USP25: variants seen among roughly 807,000 people sequenced by gnomAD.
The protein encoded by USP25 is ubiquitin carboxyl-terminal hydrolase 25.
A neutral mutation model predicts 158.5 loss-of-function variants in USP25; 85 were observed. The ratio of observed to expected loss-of-function variants is 0.54; its 90% CI spans 0.45 to 0.64. USP25 has a LOEUF of 0.64. Among genes scored for constraint, USP25 ranks in the 30% least tolerant of loss-of-function variants. USP25 has a pLI of 0.00. For missense variants in USP25, 1,242 were observed against 1,327.3 expected, an observed-to-expected ratio of 0.94 and a Z score of 1.00; for synonymous variants, 464 against 460.4, an observed-to-expected ratio of 1.01 and a Z score of -0.10.
In USP25 at chr21:15,813,095, C is replaced by T. The variant is rs997911095; in HGVS notation, c.931+1885C>T. Among the ~76,000 whole-genome samples the T allele has an allele frequency of 2.0e-5, 3 of 151,334 alleles. No homozygotes were observed. In the South Asian group the frequency reaches 6.3e-4, roughly 32 times the overall value. ...ATCTTTTCTGTGTCTGTACTGAGTA[C>T]CTGAAGATTGCTGGCAAAAAGTCAC... On this transcript the variant is annotated intron_variant, in intron 9 of 25. Coordinates refer to ENST00000400183, the MANE Select transcript of USP25 (RefSeq NM_001283041.3).
intron 9 of USP25, among the ~76,000 whole-genome samples, chr21:15,811,912 C>T (rs938398992): frequency 3.3e-5 from 5 of 152,066 alleles, no homozygotes; most frequent in Non-Finnish European, 5.9e-5. Flanking sequence ...TCCAGATCAG[C>T]TAAAGTGTAA....
chr21:15,766,041 G>A lies in USP25; in HGVS notation c.168G>A (p.Ala56=), dbSNP rs201641503. 26 of 1,609,222 alleles carry A rather than the reference G, an allele frequency of 1.6e-5. No homozygotes were observed. In the Admixed American group the frequency reaches 2.4e-4, roughly 15 times the overall value. ...NLELAVAFLT[A]KNAKTPQQEE... is the part of the protein sequence containing the mutation. ...AATTAGCAGTGGCTTTCCTTACTGCGAAGAATGCTAAGACCCCTCAGCAGG... is the reference window on the plus strand; with the variant it reads ...AATTAGCAGTGGCTTTCCTTACTGCAAAGAATGCTAAGACCCCTCAGCAGG... The change falls in exon 3 of 26, where the codon GCG becomes GCA. Residue 56 remains alanine, a synonymous_variant. Transcript: ENST00000400183. The surrounding 1 kb of genome is among the most constrained non-coding windows in gnomAD (Gnocchi z 4.0).
chr21:15,777,806 A>T, intron 3 of USP25, 98 bp from the exon 4 acceptor site: 3 of 1,141,820 alleles, frequency 2.6e-6, no homozygotes, highest in Non-Finnish European at 3.5e-6. Flanking sequence ...GTTGGTACTG[A>T]CTGGTTTAAA....
At chr21:15,732,532 T>G (rs2031024464) in intron 1 of USP25, among the ~76,000 whole-genome samples, 1 of 152,148 alleles carries the variant, frequency 6.6e-6, no homozygotes, top group African/African-American at 2.4e-5. Flanking sequence ...GAAAGTCTGT[T>G]TTTACTCAGA....
chr21:15,832,467 T>C (rs1382828754), intron 16 of USP25, among the ~76,000 whole-genome samples: 1 of 152,220 alleles, frequency 6.6e-6, no homozygotes, highest in Non-Finnish European at 1.5e-5. Flanking sequence ...TTTCTGTGTG[T>C]GTAGTAGAAG....
intron 3 of USP25, among the ~76,000 whole-genome samples, chr21:15,772,317 A>T (rs940144653): frequency 1.1e-4 from 16 of 152,138 alleles, no homozygotes; most frequent in African/African-American, 3.6e-4. Context: ...TATATTTCTC[A>T]CTTTACAGGA....
At chr21:15,798,712 A>C (rs2035984000) in intron 5 of USP25, among the ~76,000 whole-genome samples, 1 of 151,268 alleles carries the variant, frequency 6.6e-6, no homozygotes. Flanking sequence ...CACAAGATAA[A>C]ATTTTTTTTT....
At chr21:15,752,876 T>A (rs2033123468) in intron 1 of USP25, among the ~76,000 whole-genome samples, 1 of 152,178 alleles carries the variant, frequency 6.6e-6, no homozygotes, top group Non-Finnish European at 1.5e-5. Flanking sequence ...CCAAAAAGAT[T>A]GAGAAAAACT....
chr21:15,772,782 C>A (rs1168524587), intron 3 of USP25, among the ~76,000 whole-genome samples: 1 of 152,034 alleles, frequency 6.6e-6, no homozygotes, highest in Non-Finnish European at 1.5e-5. Flanking sequence ...ATTTTATTTT[C>A]TTTTACTGGT....
chr21:15,788,665 A>C (rs1012281628), intron 4 of USP25, among the ~76,000 whole-genome samples: 2 of 152,066 alleles, frequency 1.3e-5, no homozygotes, highest in Non-Finnish European at 2.9e-5. Flanking sequence ...TGTTTAAATT[A>C]AGAGGGTCAG....
At chr21:15,859,675 A>G (rs1301544573) in intron 20 of USP25, among the ~76,000 whole-genome samples, 2 of 152,106 alleles carry the variant, frequency 1.3e-5, no homozygotes, top group Non-Finnish European at 2.9e-5. Flanking sequence ...CTGCCTCTGA[A>G]AGCAGTTCTG....
At chr21:15,733,938 G>T (rs1374835834) in intron 1 of USP25, among the ~76,000 whole-genome samples, 3 of 152,162 alleles carry the variant, frequency 2.0e-5, no homozygotes, top group Non-Finnish European at 4.4e-5. Context: ...ACAGGATGTG[G>T]GATAGATCTC....
Position 15,821,642 on chromosome 21 carries a change from A to C in USP25, c.1081-2397A>C, listed in dbSNP as rs2037241940. On this transcript the variant is annotated intron_variant, in intron 10 of 25. Coordinates refer to ENST00000400183, the MANE Select transcript of USP25 (RefSeq NM_001283041.3). ...ACTTAACTTTTGAAATCAAAGGGCA[A>C]ATGAGTCAAGGCAATTAAATGACTG... Among the ~76,000 whole-genome samples the C allele has an allele frequency of 2.0e-5, 3 of 151,986 alleles. No individual in the cohort carries two copies. In the South Asian group the frequency reaches 6.2e-4, roughly 31 times the overall value.
intron 19 of USP25, among the ~76,000 whole-genome samples, chr21:15,849,176 G>C (rs995592289): frequency 6.6e-6 from 1 of 152,082 alleles, no homozygotes; most frequent in Admixed American, 6.6e-5. Flanking sequence ...AAGTTGAATT[G>C]TGATTAATCA....
At chr21:15,767,788 T>G (rs1015719996) in intron 3 of USP25, among the ~76,000 whole-genome samples, 1 of 152,012 alleles carries the variant, frequency 6.6e-6, no homozygotes, top group Non-Finnish European at 1.5e-5. Flanking sequence ...ACTCTTAATA[T>G]AGATGGTATA....
chr21:15,777,956 C>G lies in USP25; in HGVS notation c.321C>G (p.Ala107=). Residue 107 remains alanine, a synonymous_variant, in exon 4 of 26, where the codon GCC becomes GCG. Coordinates refer to ENST00000400183, the MANE Select transcript of USP25 (RefSeq NM_001283041.3). The part of the protein sequence containing the change: ...DDKDDLQRAI[A]LSLAESNRAF... ...AAGATGATCTTCAGAGAGCAATTGCCTTGAGTTTGGCCGAATCAAACAGGG... is the reference window on the plus strand; with the variant it reads ...AAGATGATCTTCAGAGAGCAATTGCGTTGAGTTTGGCCGAATCAAACAGGG... The G allele has an allele frequency of 1.2e-6, 2 of 1,611,968 alleles. No homozygotes were observed. The highest frequency in any genetic ancestry group is 1.7e-6 in the Non-Finnish European group (2 of 1,179,128).
At chr21:15,782,711 G>A (rs1392843755) in intron 4 of USP25, among the ~76,000 whole-genome samples, 2 of 152,012 alleles carry the variant, frequency 1.3e-5, no homozygotes, top group Non-Finnish European at 2.9e-5. Context: ...GCCACCACAC[G>A]CCATTTCCAA....
Position 15,800,689 on chromosome 21 carries a change from T to C in USP25, c.642+846T>C, listed in dbSNP as rs1171566807. 4.0e-5 allele frequency among the ~76,000 whole-genome samples: 6 copies of C among 151,666 alleles called. No individual in the cohort carries two copies. The South Asian group carries it at 1.0e-3, about 26-fold the overall frequency. On this transcript the variant is annotated intron_variant, in intron 6 of 25. Coordinates refer to ENST00000400183, the MANE Select transcript of USP25 (RefSeq NM_001283041.3). ...AATCTGTAGTCCTAAAGTGGACTTA[T>C]TGCCAAGGCAAGGGAGTTAGTTTTA...
chr21:15,734,848 A>G (rs1358623559), intron 1 of USP25, among the ~76,000 whole-genome samples: 2 of 152,176 alleles, frequency 1.3e-5, no homozygotes, highest in African/African-American at 4.8e-5. Context: ...TGTCAGTAAC[A>G]TAAGAACCAT....
Sources: allele counts gnomAD v4.1 joint callset (sites outside exome capture counted in the v4.1 genomes callset), GRCh38; gene constraint gnomAD v4.1.1; non-coding constraint Gnocchi (gnomAD v3.1); transcripts MANE v1.5; gene names NCBI Gene and HGNC (gene_info 2026-07-23, HGNC 2026-07-21).